Variants in EXOC4 observed in about 807,000 individuals in gnomAD.
EXOC4 encodes SEC8-like 1.
Under a neutral mutation model 107.2 loss-of-function variants are expected in EXOC4, and 71 were observed. That is an observed-to-expected ratio of 0.66 (90% CI 0.55 to 0.81). The LOEUF is 0.81. Among genes scored for constraint, EXOC4 ranks in the 30% least tolerant of loss-of-function variants. EXOC4 has a pLI of 0.00. For missense variants in EXOC4, 1,108 were observed against 1,189.6 expected, an observed-to-expected ratio of 0.93 and a Z score of 1.01; for synonymous variants, 456 against 441.2, an observed-to-expected ratio of 1.03 and a Z score of -0.42.
At chr7:134,019,329 T>C (rs1585326301) in intron 17 of EXOC4, among the ~76,000 whole-genome samples, 1 of 152,158 alleles carries the variant, frequency 6.6e-6, no homozygotes, top group Admixed American at 6.5e-5. Context: ...TTAAACTACT[T>C]TCTCTAAAAC....
At chr7:133,577,834 T>G (rs902857924) in intron 9 of EXOC4, among the ~76,000 whole-genome samples, 1 of 152,178 alleles carries the variant, frequency 6.6e-6, no homozygotes, top group South Asian at 2.1e-4. Context: ...GTTTGACATA[T>G]GCACTTTTTC....
intron 10 of EXOC4, among the ~76,000 whole-genome samples, chr7:133,777,646 A>G (rs1280392176): frequency 2.0e-5 from 3 of 152,210 alleles, no homozygotes; most frequent in African/African-American, 7.2e-5. Flanking sequence ...GGCAGCACAT[A>G]GTTGGGAATG....
At chr7:133,589,432 C>A (rs528557286) in intron 9 of EXOC4, among the ~76,000 whole-genome samples, 10 of 152,280 alleles carry the variant, frequency 6.6e-5, no homozygotes, top group Admixed American at 3.3e-4. Flanking sequence ...GGAGGCATTG[C>A]TTTGTGCTTT....
At chr7:133,404,885 TACACACACACACACAC>T (rs68148382) in intron 7 of EXOC4, among the ~76,000 whole-genome samples, 1 of 94,184 alleles carries the variant, frequency 1.1e-5, no homozygotes, top group Non-Finnish European at 2.0e-5. Context: ...CCCCCCCCAA[TACACACACACACACAC>T]ACGCACACAC....
At chr7:133,597,037 G>A (rs1801690855) in intron 9 of EXOC4, among the ~76,000 whole-genome samples, 1 of 152,126 alleles carries the variant, frequency 6.6e-6, no homozygotes, top group African/African-American at 2.4e-5. Flanking sequence ...CAGTATATGT[G>A]GAATATCCCC....
intron 9 of EXOC4, among the ~76,000 whole-genome samples, chr7:133,569,527 A>G (rs1251467901): frequency 6.6e-6 from 1 of 152,208 alleles, no homozygotes; most frequent in Admixed American, 6.5e-5. Flanking sequence ...CCAAGTGTAG[A>G]TATGTAACTT....
intron 17 of EXOC4, among the ~76,000 whole-genome samples, chr7:134,032,286 T>C (rs929304754): frequency 1.1e-4 from 16 of 152,158 alleles, no homozygotes; most frequent in African/African-American, 3.9e-4. Flanking sequence ...CTGTCAACAG[T>C]TTCTCCTGCA....
chr7:133,931,268 G>A (rs557837050), intron 13 of EXOC4, among the ~76,000 whole-genome samples: 2 of 150,988 alleles, frequency 1.3e-5, no homozygotes, highest in East Asian at 3.9e-4. Context: ...TTTAATGACA[G>A]ACATCATATG....
intron 10 of EXOC4, among the ~76,000 whole-genome samples, chr7:133,742,622 G>A (rs1035421512): frequency 1.3e-5 from 2 of 152,122 alleles, no homozygotes; most frequent in East Asian, 3.8e-4. Context: ...ATTTCTCTCT[G>A]ACAAAGGAAT....
intron 7 of EXOC4, among the ~76,000 whole-genome samples, chr7:133,389,945 A>G (rs1056805458): frequency 2.6e-5 from 4 of 150,946 alleles, no homozygotes; most frequent in Admixed American, 2.0e-4. Context: ...TTTTAAAACC[A>G]TCAGGTCTCA....
intron 14 of EXOC4, among the ~76,000 whole-genome samples, chr7:133,947,902 A>G (rs1183209044): frequency 1.3e-5 from 2 of 152,232 alleles, no homozygotes; most frequent in Admixed American, 1.3e-4. Context: ...TATAAAATGG[A>G]AACAACAAGA....
chr7:133,616,304 G>T (rs1312502306), intron 9 of EXOC4, among the ~76,000 whole-genome samples: 4 of 151,940 alleles, frequency 2.6e-5, no homozygotes, highest in Admixed American at 6.6e-5. Context: ...ATCATAATGT[G>T]AACTTCATGA....
At chr7:133,813,651 C>T (rs1334527606) in intron 10 of EXOC4, among the ~76,000 whole-genome samples, 1 of 151,970 alleles carries the variant, frequency 6.6e-6, no homozygotes, top group Non-Finnish European at 1.5e-5. Flanking sequence ...TTTCATTTTT[C>T]CCTGCCTTCT....
At chr7:133,368,937 T>G (rs1796304345) in intron 6 of EXOC4, among the ~76,000 whole-genome samples, 1 of 152,224 alleles carries the variant, frequency 6.6e-6, no homozygotes, top group African/African-American at 2.4e-5. Flanking sequence ...TTTGTCTTTT[T>G]TAGATCAGTG....
Position 133,895,600 on chromosome 7 carries a change from G to A in EXOC4, c.1736G>A (p.Ser579Asn), listed in dbSNP as rs763566158. ...CCTCTCTTTGTTGTTCATTTCCAGA[G>A]CACAATCATTGTGGAGAAGACAGTT... ...VLGVQRPLLQ[S>N]TIIVEKTVQD... The change falls in exon 12 of 18, where the codon AGC becomes AAC. Residue 579 changes from serine to asparagine, a missense_variant and splice_region_variant. Coordinates refer to ENST00000253861, the MANE Select transcript of EXOC4 (RefSeq NM_021807.4). The A allele has an allele frequency of 1.9e-6, 3 of 1,613,682 alleles. No homozygotes were observed. Among genetic ancestry groups the A allele is most frequent in the Non-Finnish European group, 2.5e-6 (3 of 1,179,762 alleles).
At chr7:133,994,683 G>T (rs1455902336) in intron 14 of EXOC4, among the ~76,000 whole-genome samples, 1 of 152,008 alleles carries the variant, frequency 6.6e-6, no homozygotes, top group Non-Finnish European at 1.5e-5. Flanking sequence ...ATACGCGTGG[G>T]CTCTTCTGAT....
intron 9 of EXOC4, among the ~76,000 whole-genome samples, chr7:133,592,266 A>G (rs1801567715): frequency 6.6e-6 from 1 of 151,988 alleles, no homozygotes; most frequent in Non-Finnish European, 1.5e-5. Flanking sequence ...GGGTCTTGCC[A>G]TGTTGCCTAG....
rs754867074 is a variant in EXOC4 at position 134,007,866 on chromosome 7, T to G, written c.2687+31T>G. The G allele has an allele frequency of 4.4e-6, 7 of 1,592,432 alleles. No homozygotes were observed. The African/African-American group carries it at 8.1e-5, about 18-fold the overall frequency. ...AGGGAAAACTGGGTTTAGTTTCTTA[T>G]GCCAAAGCTAAGACCTCGTTGCCTG... On this transcript the variant is annotated intron_variant, in intron 17 of 17. Transcript: ENST00000253861.
chr7:133,679,721 A>C (rs1450320769), intron 10 of EXOC4, among the ~76,000 whole-genome samples: 1 of 152,228 alleles, frequency 6.6e-6, no homozygotes, highest in South Asian at 2.1e-4. Flanking sequence ...TGACATTGCC[A>C]GTCATTATTT....
Sources: allele counts gnomAD v4.1 joint callset (sites outside exome capture counted in the v4.1 genomes callset), GRCh38; gene constraint gnomAD v4.1.1; transcripts MANE v1.5; gene names NCBI Gene and HGNC (gene_info 2026-07-23, HGNC 2026-07-21).